The following LDLRAD4 variants were observed in gnomAD, a reference collection of about 807,000 sequenced individuals.
LDLRAD4 encodes low density lipoprotein receptor class A domain containing 4.
LDLRAD4 carries 5 observed loss-of-function variants against 17.0 expected under a neutral mutation model. The ratio of observed to expected loss-of-function variants is 0.29; its 90% confidence interval spans 0.15 to 0.62. The LOEUF (loss-of-function observed/expected upper bound fraction) is 0.62. LDLRAD4 is among the 20% of genes least tolerant of loss of function. The probability of loss-of-function intolerance (pLI) is 0.84; values close to 1 mark genes in which losing one functional copy is unlikely to be tolerated. For synonymous variants in LDLRAD4, 168 were observed against 171.8 expected (o/e 0.98, Z 0.17); for missense variants, 340 against 424.7 (o/e 0.80, Z 1.75).
At chr18:13,460,815 A>G (rs1294902006) in intron 3 of LDLRAD4, among the ~76,000 whole-genome samples, 1 of 152,242 alleles carries the variant, frequency 6.6e-6, no homozygotes, top group African/African-American at 2.4e-5. Context: ...CCTAAGATAA[A>G]CACAAAATTA....
chr18:13,227,700 G>A (rs1355702336), intron 1 of LDLRAD4, among the ~76,000 whole-genome samples: 1 of 152,204 alleles, frequency 6.6e-6, no homozygotes, highest in East Asian at 1.9e-4. Context: ...AAGCAAACAT[G>A]TCCTACTTCA....
intron 3 of LDLRAD4, among the ~76,000 whole-genome samples, chr18:13,439,799 G>A (rs566739132): frequency 6.6e-6 from 1 of 152,348 alleles, no homozygotes; most frequent in Admixed American, 6.5e-5. Context: ...TGAGCAGGCA[G>A]CAGGCCAGAG....
At chr18:13,422,671 C>CT (rs1410013980) in intron 2 of LDLRAD4, among the ~76,000 whole-genome samples, 1 of 152,196 alleles carries the variant, frequency 6.6e-6, no homozygotes, top group African/African-American at 2.4e-5. Flanking sequence ...ACACTCCAGC[C>CT]TGGGTGGCAG....
intron 1 of LDLRAD4, among the ~76,000 whole-genome samples, chr18:13,290,147 C>G (rs191062488): frequency 6.6e-6 from 1 of 152,298 alleles, no homozygotes; most frequent in East Asian, 1.9e-4. Flanking sequence ...TGATGGGGCA[C>G]CCATTCTTCC....
intron 3 of LDLRAD4, among the ~76,000 whole-genome samples, chr18:13,524,229 T>A (rs1233966741): frequency 6.6e-6 from 1 of 152,200 alleles, no homozygotes; most frequent in Non-Finnish European, 1.5e-5. Context: ...GGGTCTTGGG[T>A]TGGTTTTTAT....
chr18:13,291,469 C>T lies in LDLRAD4; in HGVS notation c.-383+13281C>T, dbSNP rs142666043. Among the ~76,000 whole-genome samples, 447 of 152,314 alleles carry T rather than the reference C, an allele frequency of 2.9e-3. 2 individuals are homozygous for T. Among genetic ancestry groups the T allele is most frequent in the African/African-American group, 0.01 (422 of 41,560 alleles). ...GTTGCAGAGGGTGAGGCGCAGATGG[C>T]TGTGATGATCGGGCTGTGGTTGCAG... On this transcript the variant is annotated intron_variant, in intron 1 of 5. Coordinates refer to ENST00000359446, the Ensembl canonical transcript of LDLRAD4.
chr18:13,336,621 A>C (rs905251188), intron 1 of LDLRAD4, among the ~76,000 whole-genome samples: 8 of 151,882 alleles, frequency 5.3e-5, no homozygotes, highest in Non-Finnish European at 8.8e-5. Context: ...TGCAATACCT[A>C]TTCTGTCTTA....
At chr18:13,600,921 G>A (rs1295970176) in intron 3 of LDLRAD4, among the ~76,000 whole-genome samples, 2 of 152,018 alleles carry the variant, frequency 1.3e-5, no homozygotes, top group African/African-American at 4.8e-5. Context: ...TTCCTGCTGT[G>A]GGTATTTACT....
At chr18:13,220,399 G>C (rs2041382039) in intron 1 of LDLRAD4, among the ~76,000 whole-genome samples, 1 of 152,200 alleles carries the variant, frequency 6.6e-6, no homozygotes, top group African/African-American at 2.4e-5. Flanking sequence ...CATTGGAGAA[G>C]ACTCTTCCCG....
intron 3 of LDLRAD4, among the ~76,000 whole-genome samples, chr18:13,505,485 T>C (rs2093675337): frequency 6.6e-6 from 1 of 152,236 alleles, no homozygotes; most frequent in East Asian, 1.9e-4. Flanking sequence ...TGGCAAGTGA[T>C]AGTAGAACTG....
intron 1 of LDLRAD4, among the ~76,000 whole-genome samples, chr18:13,364,781 T>C (rs1016395210): frequency 4.6e-5 from 7 of 152,202 alleles, no homozygotes; most frequent in Non-Finnish European, 7.3e-5. Context: ...ATTATACTCA[T>C]GTGTGCAGAA....
chr18:13,384,649 G>A (rs1466069217), intron 1 of LDLRAD4, among the ~76,000 whole-genome samples: 2 of 152,022 alleles, frequency 1.3e-5, no homozygotes, highest in African/African-American at 2.4e-5. Flanking sequence ...CCACCTATAA[G>A]TGAGATCATG....
intron 3 of LDLRAD4, among the ~76,000 whole-genome samples, chr18:13,454,901 A>T (rs2092043897): frequency 6.6e-6 from 1 of 152,226 alleles, no homozygotes; most frequent in Non-Finnish European, 1.5e-5. Flanking sequence ...CAGGCATCCC[A>T]CTTGGCTGCG....
At chr18:13,575,700 C>T (rs1316965341) in intron 3 of LDLRAD4, among the ~76,000 whole-genome samples, 3 of 152,208 alleles carry the variant, frequency 2.0e-5, no homozygotes, top group Non-Finnish European at 2.9e-5. Context: ...GCTGTGTAAA[C>T]GTGTTCCTTT....
chr18:13,339,766 T>C (rs2082277660), intron 1 of LDLRAD4, among the ~76,000 whole-genome samples: 1 of 152,206 alleles, frequency 6.6e-6, no homozygotes, highest in Non-Finnish European at 1.5e-5. Context: ...TAATGTTTTC[T>C]TCTTATTGTA....
At chr18:13,373,278 C>A (rs2084657369) in intron 1 of LDLRAD4, among the ~76,000 whole-genome samples, 1 of 152,062 alleles carries the variant, frequency 6.6e-6, no homozygotes, top group Non-Finnish European at 1.5e-5. Context: ...TAAAAAGCAA[C>A]TGGGTCTCAA....
intron 1 of LDLRAD4, among the ~76,000 whole-genome samples, chr18:13,369,435 G>A (rs2084300494): frequency 6.6e-6 from 1 of 152,154 alleles, no homozygotes; most frequent in Non-Finnish European, 1.5e-5. Context: ...GGCGGCCATG[G>A]TCTTGGTGAG....
exon 1 of LDLRAD4, chr18:13,218,942 G>T (rs571241702): frequency 5.2e-5 from 8 of 152,440 alleles, no homozygotes; most frequent in African/African-American, 1.9e-4. Context: ...GCTTCCTCGG[G>T]ACCCCTTCCC....
chr18:13,315,395 C>T (rs989649512), intron 1 of LDLRAD4, among the ~76,000 whole-genome samples: 3 of 152,164 alleles, frequency 2.0e-5, no homozygotes, highest in African/African-American at 7.2e-5. Flanking sequence ...ATGGAAACAG[C>T]AACAGGTGAT....
Sources: allele counts gnomAD v4.1 joint callset (sites outside exome capture counted in the v4.1 genomes callset), GRCh38; gene constraint gnomAD v4.1.1; transcripts MANE v1.5; gene names NCBI Gene and HGNC (gene_info 2026-07-23, HGNC 2026-07-21).